Variants in AP1S2 observed in about 807,000 individuals in gnomAD.
AP1S2 encodes adaptor related protein complex 1 subunit sigma 2, also known as AP-1 complex subunit sigma-2.
In AP1S2, 1 loss-of-function variant was observed where a neutral mutation model predicts 14.3. That is an observed-to-expected ratio of 0.07 (90% confidence interval 0.02 to 0.33). The LOEUF (loss-of-function observed/expected upper bound fraction) is 0.33. AP1S2 is among the 10% of genes least tolerant of loss of function. AP1S2 has a pLI of 0.99. For missense variants in AP1S2, 30 were observed against 117.7 expected, an observed-to-expected ratio of 0.25 and a Z score of 3.45; for synonymous variants, 30 against 40.5, an observed-to-expected ratio of 0.74 and a Z score of 0.99.
At chrX:15,834,508 C>T (rs1297600212) in intron 4 of AP1S2, among the ~76,000 whole-genome samples, 1 of 70,609 alleles carries the variant, frequency 1.4e-5, no homozygotes, top group East Asian at 4.6e-4. Flanking sequence ...CAGAGTCTTG[C>T]TCTGTCGCCC....
chrX:15,852,208 C>T lies in AP1S2; in HGVS notation c.179+138G>A, dbSNP rs963012632. 59 of 583,436 alleles carry T rather than the reference C, an allele frequency of 1.0e-4. No individual in the cohort carries two copies. In the Admixed American group the frequency reaches 2.4e-3, roughly 24 times the overall value. 48.1% of individuals were successfully genotyped at this position (583,436 alleles called of 1,213,427 possible). A position where few individuals can be genotyped will look rare whatever the true frequency, so the allele number is the denominator to read the frequency against. ...ATCAAAACACTAGTTATTTTAAAAACACAAAGCTTTACCTTAAACCTATTT... is the reference window on the plus strand; with the variant it reads ...ATCAAAACACTAGTTATTTTAAAAATACAAAGCTTTACCTTAAACCTATTT... On this transcript the variant is annotated intron_variant, in intron 2 of 5. Transcript: ENST00000672987.
intron 4 of AP1S2, chrX:15,840,559 C>A (rs1933797441): frequency 2.0e-6 from 2 of 980,285 alleles, no homozygotes; most frequent in Non-Finnish European, 2.7e-6. Context: ...ATAAGATATC[C>A]TCAGACAAAC....
At chrX:15,852,262 T>A in intron 2 of AP1S2, 84 bp downstream of exon 2, 1 of 873,243 alleles carries the variant, frequency 1.1e-6, no homozygotes, top group Non-Finnish European at 1.6e-6. Context: ...TCGTTATTTA[T>A]AAATGTCATC....
rs1238390159 is a variant in AP1S2, at chrX:15,826,393, G to A, written c.*932C>T. ...TGGAAAGAAAGGAAGCTGCTGTAAA[G>A]TGTGCAGCACTTCTAAGTGGAGGGA... is the stretch of plus-strand genomic sequence containing the variant. On this transcript the variant is annotated 3_prime_UTR_variant, in exon 6 of 6. Coordinates refer to ENST00000672987, the MANE Select transcript of AP1S2 (RefSeq NM_001272071.2). 8.9e-6 allele frequency: 1 copy of A among 112,340 alleles called. No homozygotes were observed. The highest frequency in any genetic ancestry group is 3.2e-5 in the African/African-American group (1 of 30,943). The allele number at this position is 112,340 out of a possible 1,213,427, so 9.3% of individuals were successfully genotyped here. A position where few individuals can be genotyped will look rare whatever the true frequency, so the allele number is the denominator to read the frequency against.
In AP1S2 at chrX:15,832,685, T is replaced by A. The variant is rs766440267; in HGVS notation, c.427-4485A>T. 510 of 838,774 alleles carry A rather than the reference T, an allele frequency of 6.1e-4. 4 individuals carry two copies. The African/African-American group carries it at 0.01, about 17-fold the overall frequency. 69.1% of individuals were successfully genotyped at this position (838,774 alleles called of 1,213,427 possible). On this transcript the variant is annotated intron_variant, in intron 4 of 5. Coordinates refer to ENST00000672987, the MANE Select transcript of AP1S2 (RefSeq NM_001272071.2). ...TGATTCACAGTATTTAATGAATGCT[T>A]TATTGTCAATGAACCTCTGAAGCTA...
At chrX:15,834,439 AAT>A (rs1161066866) in intron 4 of AP1S2, among the ~76,000 whole-genome samples, 339 of 25,085 alleles carry the variant, frequency 0.014, 5 homozygotes, top group Non-Finnish European at 0.017. Flanking sequence ...TCCCTTCCAA[AAT>A]ATATATATAT....
At chrX:15,852,286 A>G (rs971733313) in intron 2 of AP1S2, 60 bp downstream of exon 2, 16 of 1,070,008 alleles carry the variant, frequency 1.5e-5, no homozygotes, top group East Asian at 1.2e-4. Context: ...GAAGTCTGCA[A>G]TTTCCTAAAT....
intron 4 of AP1S2, among the ~76,000 whole-genome samples, chrX:15,834,481 A>G (rs368318366): frequency 7.7e-5 from 1 of 13,018 alleles, no homozygotes; most frequent in African/African-American, 4.1e-4. Flanking sequence ...TATATATATA[A>G]TTTTTTTTTT....
chrX:15,838,204 G>A (rs149711911), intron 4 of AP1S2, among the ~76,000 whole-genome samples: 6 of 110,736 alleles, frequency 5.4e-5, no homozygotes, highest in African/African-American at 9.9e-5. Flanking sequence ...ACTGGATGCC[G>A]GTAGCACTGC....
rs767277961 is a variant in AP1S2 at position 15,826,103 on chromosome X, C to T, written c.*1222G>A. ...TTGAACGTTTATTACAACTAATTGG[C>T]GATGTGATAAGACAGTGCTCACGTG... On this transcript the variant is annotated 3_prime_UTR_variant, in exon 6 of 6. Coordinates refer to ENST00000672987, the MANE Select transcript of AP1S2 (RefSeq NM_001272071.2). 8.9e-6 allele frequency: 1 copy of T among 112,195 alleles called. No homozygotes were observed. Among genetic ancestry groups the T allele is most frequent in the South Asian group, 3.6e-4 (1 of 2,755 alleles). The allele number at this position is 112,195 out of a possible 1,213,427, so 9.2% of individuals were successfully genotyped here. A position where few individuals can be genotyped will look rare whatever the true frequency, so the allele number is the denominator to read the frequency against.
chrX:15,854,812 A>G lies in AP1S2; in HGVS notation c.-125T>C. ...GCTGTGGGGAGGACACCCGGCTGGC[A>G]TAGGGCAGGCTTAGGCGGAGAGGGG... On this transcript the variant is annotated 5_prime_UTR_variant, in exon 1 of 6. An upstream start codon of the reference 5' UTR is lost. Transcript: ENST00000672987. The G allele has an allele frequency of 5.1e-6, 4 of 788,388 alleles. No individual in the cohort carries two copies. Among genetic ancestry groups the G allele is most frequent in the Non-Finnish European group, 6.0e-6 (4 of 661,370 alleles). The allele number at this position is 788,388 out of a possible 1,213,427, so 65.0% of individuals were successfully genotyped here.
At chrX:15,835,942 A>G (rs1933622983) in intron 4 of AP1S2, among the ~76,000 whole-genome samples, 1 of 110,646 alleles carries the variant, frequency 9.0e-6, no homozygotes, top group Non-Finnish European at 1.9e-5. Flanking sequence ...TGTCCCTACA[A>G]AAAATAAAAT....
chrX:15,844,801 G>C (rs1246347368), intron 4 of AP1S2: 4 of 135,663 alleles, frequency 2.9e-5, no homozygotes, highest in Non-Finnish European at 5.3e-5. Flanking sequence ...AACATGGTTT[G>C]TTATTTAAGA....
At position 15,826,869 on chromosome X, in the gene AP1S2, T is replaced by C. The variant is rs1352545841; in HGVS notation, c.*456A>G. ...CAACAAAGTTTCCATTCATTTGATA[T>C]GTGACATGTCAATTCCCTTTTTTTT... On this transcript the variant is annotated 3_prime_UTR_variant, in exon 6 of 6. Transcript: ENST00000672987. 1.8e-5 allele frequency: 2 copies of C among 109,066 alleles called. No individual in the cohort carries two copies. The highest frequency in any genetic ancestry group is 3.8e-5 in the Non-Finnish European group (2 of 53,134). The allele number at this position is 109,066 out of a possible 1,213,427, so 9.0% of individuals were successfully genotyped here. A position where few individuals can be genotyped will look rare whatever the true frequency, so the allele number is the denominator to read the frequency against.
At chrX:15,839,559 T>C (rs7878362) in intron 4 of AP1S2, among the ~76,000 whole-genome samples, 1,872 of 105,539 alleles carry the variant, frequency 0.018, 38 homozygotes, top group African/African-American at 0.058. Context: ...TGGCTCACTA[T>C]AGCCTGGACC....
chrX:15,844,987 C>T, intron 4 of AP1S2: 2 of 748,442 alleles, frequency 2.7e-6, no homozygotes, highest in Non-Finnish European at 3.2e-6. Flanking sequence ...TCATAGTCAA[C>T]TCCTGATTAT....
At chrX:15,854,625 C>T in intron 1 of AP1S2, 63 bp downstream of exon 1, 1 of 504,437 alleles carries the variant, frequency 2.0e-6, no homozygotes, top group Non-Finnish European at 2.4e-6. Context: ...GCGGGGGGCG[C>T]GCCCAGTCCT....
chrX:15,828,797 AAGC>A (rs749638375), intron 4 of AP1S2, among the ~76,000 whole-genome samples: 12 of 110,739 alleles, frequency 1.1e-4, no homozygotes, highest in Non-Finnish European at 1.9e-4. Context: ...AGGCGGGAAA[AAGC>A]AGACGATTTG....
chrX:15,854,813 T>A lies in AP1S2; in HGVS notation c.-126A>T. 1.3e-6 allele frequency: 1 copy of A among 782,630 alleles called. No individual in the cohort carries two copies. Among genetic ancestry groups the A allele is most frequent in the Non-Finnish European group, 1.5e-6 (1 of 658,123 alleles). The allele number at this position is 782,630 out of a possible 1,213,427, so 64.5% of individuals were successfully genotyped here. ...CTGTGGGGAGGACACCCGGCTGGCA[T>A]AGGGCAGGCTTAGGCGGAGAGGGGA... is the stretch of plus-strand genomic sequence containing the variant. On this transcript the variant is annotated 5_prime_UTR_variant, in exon 1 of 6. An upstream start codon of the reference 5' UTR is lost. Coordinates refer to ENST00000672987, the MANE Select transcript of AP1S2 (RefSeq NM_001272071.2).
Sources: allele counts gnomAD v4.1 joint callset (sites outside exome capture counted in the v4.1 genomes callset), GRCh38; gene constraint gnomAD v4.1.1; transcripts MANE v1.5; gene names NCBI Gene and HGNC (gene_info 2026-07-23, HGNC 2026-07-21).